Variants in ZNF718 observed in about 807,000 individuals in gnomAD.
ZNF718 encodes zinc finger protein 718.
In ZNF718, 3 loss-of-function variants were observed where a neutral mutation model predicts 2.6. The observed-to-expected ratio is 1.16, with a 90% CI of 0.53 to 3.01. The LOEUF (loss-of-function observed/expected upper bound fraction) is 3.01, where lower values mean the gene tolerates loss of function less well. ZNF718 is among the 30% of genes most tolerant of loss of function. The pLI is 0.03. For synonymous variants in ZNF718, 135 were observed against 77.9 expected (o/e 1.73, Z -3.86); for missense variants, 468 against 230.0 (o/e 2.03, Z -6.69).
chr4:136,994 A>G (rs1450085722), intron 3 of ZNF718, among the ~76,000 whole-genome samples: 1 of 152,134 alleles, frequency 6.6e-6, no homozygotes, highest in Non-Finnish European at 1.5e-5. Flanking sequence ...CTTCTCATGA[A>G]TGGTTAACAC....
In ZNF718 at chr4:161,843, G is replaced by A. The variant is rs1716888112; in HGVS notation, c.1158G>A (p.Lys386=). ...GGTCCTCAACCCTTAATGTACACAA[G>A]AGAATTCACTCTGGAAAAAATCCCT... is the stretch of plus-strand genomic sequence containing the variant. ...FNWSSTLNVH[K]RIHSGKNPYK... Residue 386 remains lysine, a synonymous_variant, in exon 4 of 4, where the codon AAG becomes AAA. Coordinates refer to ENST00000510175, the MANE Select transcript of ZNF718 (RefSeq NM_001039127.6). 1.3e-6 allele frequency: 1 copy of A among 780,832 alleles called. No individual in the cohort carries two copies. The allele number at this position is 780,832 out of a possible 1,614,324, so 48.4% of individuals were successfully genotyped here.
rs782717828 is a variant in ZNF718, at chr4:161,908, C to G, written c.1223C>G (p.Ala408Gly). ...TGTGGCAAAGCCTTTAAAGTGTTTG[C>G]AAACCTGCATAATCATAAGAAAATT... ...EDCGKAFKVF[A>G]NLHNHKKIHT... The change falls in exon 4 of 4, where the codon GCA (alanine) becomes GGA (glycine). Residue 408 changes from alanine (A) to glycine (G), a missense_variant. Coordinates refer to ENST00000510175, the MANE Select transcript of ZNF718 (RefSeq NM_001039127.6). 1 of 779,954 alleles carries G rather than the reference C, an allele frequency of 1.3e-6. No homozygotes were observed. Among genetic ancestry groups the G allele is most frequent in the Non-Finnish European group, 2.4e-6 (1 of 417,686 alleles). 48.3% of individuals were successfully genotyped at this position (779,954 alleles called of 1,614,324 possible). A position where few individuals can be genotyped will look rare whatever the true frequency, so the allele number is the denominator to read the frequency against.
rs141705959 is a variant in ZNF718 at position 139,277 on chromosome 4, C to T, written c.226+7772C>T. The stretch of plus-strand genomic sequence containing the variant: ...TGATGTCTTAGATTTGTCTCTAATC[C>T]GTTTTGATTTAATTTTTTTTAGATG... On this transcript the variant is annotated intron_variant, in intron 3 of 3. Transcript: ENST00000510175. Among the ~76,000 whole-genome samples the T allele has an allele frequency of 6.2e-3, 937 of 152,140 alleles. 11 individuals carry two copies. The highest frequency in any genetic ancestry group is 0.021 in the African/African-American group (879 of 41,496).
Position 131,449 on chromosome 4 carries a change from A to G in ZNF718, c.170A>G (p.Glu57Gly). 1.9e-6 allele frequency: 1 copy of G among 527,244 alleles called. No individual in the cohort carries two copies. Among genetic ancestry groups the G allele is most frequent in the South Asian group, 3.1e-5 (1 of 31,840 alleles). 32.7% of individuals were successfully genotyped at this position (527,244 alleles called of 1,614,324 possible). Residue 57 changes from glutamate to glycine, a missense_variant, in exon 3 of 4, where the codon GAG (glutamate) becomes GGG (glycine). Physicochemically the swap from Glu to Gly is moderately conservative, Grantham distance 98 (BLOSUM62 -2). Coordinates refer to ENST00000510175, the MANE Select transcript of ZNF718 (RefSeq NM_001039127.6). Reference protein sequence around the residue: ...ISNPDLVTSLEQRKEPYNLKI... With the variant: ...ISNPDLVTSLGQRKEPYNLKI... ...AACCCAGACCTGGTCACCAGTCTGG[A>G]GCAAAGAAAAGAGCCCTACAATTTG... is the stretch of plus-strand genomic sequence containing the variant.
intron 1 of ZNF718, among the ~76,000 whole-genome samples, chr4:130,108 T>C (rs1715314837): frequency 9.6e-6 from 1 of 104,200 alleles, no homozygotes; most frequent in African/African-American, 3.3e-5. Flanking sequence ...AAAGTATTTG[T>C]GTCGTGATAA....
intron 3 of ZNF718, among the ~76,000 whole-genome samples, chr4:138,844 A>T (rs745790950): frequency 3.3e-5 from 5 of 152,136 alleles, no homozygotes; most frequent in Non-Finnish European, 7.3e-5. Flanking sequence ...CTGGGGTGAG[A>T]TAATATCTCA....
At chr4:157,090 T>C (rs1184734611) in intron 3 of ZNF718, among the ~76,000 whole-genome samples, 1 of 106,666 alleles carries the variant, frequency 9.4e-6, no homozygotes, top group East Asian at 4.0e-4. Context: ...TCTTTTTGTT[T>C]CTTTCTTTCT....
intron 3 of ZNF718, among the ~76,000 whole-genome samples, chr4:144,623 T>G (rs1553810882): frequency 1.3e-5 from 2 of 152,204 alleles, no homozygotes; most frequent in African/African-American, 2.4e-5. Flanking sequence ...ATAATACTGA[T>G]CCTTCCTATT....
At chr4:184,756 A>G (rs1717534896) in intron 3 of ZNF718, among the ~76,000 whole-genome samples, 1 of 152,106 alleles carries the variant, frequency 6.6e-6, no homozygotes, top group African/African-American at 2.4e-5. Flanking sequence ...TTGTGTGTCC[A>G]GGAATGTGTT....
intron 3 of ZNF718, among the ~76,000 whole-genome samples, chr4:171,476 T>C (rs931540808): frequency 4.6e-5 from 7 of 151,838 alleles, no homozygotes; most frequent in Admixed American, 6.6e-5. Flanking sequence ...CCTCCTTGAA[T>C]TGCGGTGGGC....
intron 3 of ZNF718, among the ~76,000 whole-genome samples, chr4:193,374 A>T (rs1717729628): frequency 6.6e-6 from 1 of 152,104 alleles, no homozygotes; most frequent in African/African-American, 2.4e-5. Flanking sequence ...AGAAGTTAGG[A>T]ATTCCCTTTC....
At chr4:144,288 A>G (rs1344148766) in intron 3 of ZNF718, among the ~76,000 whole-genome samples, 2 of 152,192 alleles carry the variant, frequency 1.3e-5, no homozygotes, top group Non-Finnish European at 2.9e-5. Context: ...GAACCCGGAT[A>G]CTTTCTAGCG....
chr4:170,657 G>C (rs1553817783), intron 3 of ZNF718, among the ~76,000 whole-genome samples: 1 of 152,060 alleles, frequency 6.6e-6, no homozygotes, highest in Non-Finnish European at 1.5e-5. Flanking sequence ...TGAGGTTTGT[G>C]CGTTCGTCAT....
At chr4:178,482 C>T (rs1267391413) in intron 3 of ZNF718, among the ~76,000 whole-genome samples, 2 of 152,096 alleles carry the variant, frequency 1.3e-5, no homozygotes, top group Non-Finnish European at 2.9e-5. Flanking sequence ...TCCTAATTTT[C>T]TTGGAGGCTG....
At chr4:172,742 CAT>C (rs782714239) in intron 3 of ZNF718, among the ~76,000 whole-genome samples, 44 of 152,102 alleles carry the variant, frequency 2.9e-4, no homozygotes, top group South Asian at 1.5e-3. Flanking sequence ...TTTTGTTATA[CAT>C]GTGTGTGTAA....
chr4:125,631 C>T (rs1476817634), intron 1 of ZNF718, among the ~76,000 whole-genome samples: 1 of 152,154 alleles, frequency 6.6e-6, no homozygotes. Flanking sequence ...GGCGCTGTCC[C>T]GCTGGGCACT....
At chr4:147,084 C>T (rs2108792154) in intron 3 of ZNF718, among the ~76,000 whole-genome samples, 1 of 152,264 alleles carries the variant, frequency 6.6e-6, no homozygotes, top group Middle Eastern at 3.4e-3. Context: ...GATTCTTTTG[C>T]CTCAGCCTCC....
intron 3 of ZNF718, among the ~76,000 whole-genome samples, chr4:137,419 T>C (rs1261096322): frequency 3.3e-5 from 5 of 152,204 alleles, no homozygotes; most frequent in African/African-American, 9.6e-5. Flanking sequence ...CATTTTTTTT[T>C]TGGAGGAACC....
At chr4:201,006 T>A (rs1560135629) in intron 3 of ZNF718, 1 of 152,408 alleles carries the variant, frequency 6.6e-6, no homozygotes, top group East Asian at 1.9e-4. Flanking sequence ...GGCTGAGTAG[T>A]AATGAGTGGT....
Sources: gnomAD v4.1 joint callset for allele counts (sites outside exome capture counted in the v4.1 genomes callset) on GRCh38, gnomAD v4.1.1 for gene constraint, MANE v1.5 for transcripts, NCBI Gene and HGNC (gene_info 2026-07-23, HGNC 2026-07-21) for gene names.